The following CTDSPL variants were observed in gnomAD, a reference collection of about 807,000 sequenced individuals.
The protein encoded by CTDSPL is CTD small phosphatase-like protein.
Under a neutral mutation model 30.5 loss-of-function variants are expected in CTDSPL, and 8 were observed. The ratio of observed to expected loss-of-function variants is 0.26; its 90% CI spans 0.15 to 0.47. The LOEUF (loss-of-function observed/expected upper bound fraction) is 0.47. Ranked by LOEUF, CTDSPL falls within the 20% of genes least tolerant of loss-of-function variation. The pLI is 0.99. For synonymous variants in CTDSPL, 110 were observed against 137.9 expected (o/e 0.80, Z 1.42); for missense variants, 248 against 366.1 (o/e 0.68, Z 2.63).
At chr3:37,921,751 G>A (rs1409307077) in intron 1 of CTDSPL, among the ~76,000 whole-genome samples, 1 of 152,204 alleles carries the variant, frequency 6.6e-6, no homozygotes, top group East Asian at 1.9e-4. Flanking sequence ...CAGACCACCT[G>A]TAAGGAAGTG....
At chr3:37,931,397 C>T (rs1698853777) in intron 1 of CTDSPL, among the ~76,000 whole-genome samples, 1 of 152,104 alleles carries the variant, frequency 6.6e-6, no homozygotes, top group South Asian at 2.1e-4. Flanking sequence ...GAGCCTCTTG[C>T]CTCAGCCTCA....
At chr3:37,907,478 T>A (rs545381828) in intron 1 of CTDSPL, among the ~76,000 whole-genome samples, 18 of 152,228 alleles carry the variant, frequency 1.2e-4, no homozygotes, top group Non-Finnish European at 2.5e-4. Flanking sequence ...TCTTGTTCAT[T>A]TGACACTGTT....
At chr3:37,876,014 G>A (rs1698130760) in intron 1 of CTDSPL, among the ~76,000 whole-genome samples, 1 of 152,104 alleles carries the variant, frequency 6.6e-6, no homozygotes, top group Non-Finnish European at 1.5e-5. Flanking sequence ...AGGCTGAGGT[G>A]GGAGGATCAC....
chr3:37,891,714 A>G (rs1326359118), intron 1 of CTDSPL, among the ~76,000 whole-genome samples: 1 of 152,232 alleles, frequency 6.6e-6, no homozygotes, highest in Non-Finnish European at 1.5e-5. Context: ...TAGAAGCAGT[A>G]CATGCTTGTA....
At chr3:37,914,237 T>C (rs546840742) in intron 1 of CTDSPL, among the ~76,000 whole-genome samples, 107 of 152,370 alleles carry the variant, frequency 7.0e-4, no homozygotes, top group African/African-American at 2.5e-3. Flanking sequence ...AAATGTTTAT[T>C]ATATTTTCAA....
chr3:37,926,168 A>G (rs909137911), intron 1 of CTDSPL, among the ~76,000 whole-genome samples: 7 of 152,102 alleles, frequency 4.6e-5, no homozygotes, highest in Non-Finnish European at 1.5e-5. Flanking sequence ...CACAGAGGAG[A>G]TGGCAGGCCA....
At chr3:37,907,486 G>T (rs933302601) in intron 1 of CTDSPL, among the ~76,000 whole-genome samples, 1 of 152,208 alleles carries the variant, frequency 6.6e-6, no homozygotes, top group Non-Finnish European at 1.5e-5. Context: ...ATTTGACACT[G>T]TTGATATTGT....
chr3:37,883,699 TG>T (rs1464297228), intron 1 of CTDSPL, among the ~76,000 whole-genome samples: 2 of 152,270 alleles, frequency 1.3e-5, no homozygotes, highest in Non-Finnish European at 2.9e-5. Context: ...AATACTTTAG[TG>T]AAGCCCTTTG....
intron 1 of CTDSPL, among the ~76,000 whole-genome samples, chr3:37,916,097 C>G (rs1259515741): frequency 6.6e-6 from 1 of 152,126 alleles, no homozygotes; most frequent in Non-Finnish European, 1.5e-5. Context: ...ACAAGCTGTC[C>G]AAAGTGCTGC....
intron 1 of CTDSPL, among the ~76,000 whole-genome samples, chr3:37,900,829 CGCTCTGTT>C (rs1559628429): frequency 6.6e-6 from 1 of 152,084 alleles, no homozygotes; most frequent in East Asian, 1.9e-4. Flanking sequence ...GACGAAGTCT[CGCTCTGTT>C]GCCCAGGCTG....
chr3:37,882,171 G>A (rs1037511464), intron 1 of CTDSPL, among the ~76,000 whole-genome samples: 15 of 152,166 alleles, frequency 9.9e-5, no homozygotes, highest in African/African-American at 2.9e-4. Flanking sequence ...GGCTGGGCAC[G>A]GTGGCTCACG....
rs1219388990 is a variant in CTDSPL, at chr3:37,982,591, C to T, written c.*1724C>T. 2.8e-5 allele frequency: 13 copies of T among 456,548 alleles called. No individual in the cohort carries two copies. Among genetic ancestry groups the T allele is most frequent in the Admixed American group, 2.3e-4 (10 of 42,558 alleles). 28.3% of individuals were successfully genotyped at this position (456,548 alleles called of 1,614,324 possible). A position where few individuals can be genotyped will look rare whatever the true frequency, so the allele number is the denominator to read the frequency against. On this transcript the variant is annotated 3_prime_UTR_variant, in exon 8 of 8. Coordinates refer to ENST00000273179, the MANE Select transcript of CTDSPL (RefSeq NM_001008392.2). Reference sequence around the variant, plus strand: ...TAATGAAGCCAGCTGCCAATTACATCCTCCCAACAGCACTTTGGTCTGTGG... The same window carrying T: ...TAATGAAGCCAGCTGCCAATTACATTCTCCCAACAGCACTTTGGTCTGTGG...
At chr3:37,910,662 G>A (rs952934650) in intron 1 of CTDSPL, among the ~76,000 whole-genome samples, 7 of 152,150 alleles carry the variant, frequency 4.6e-5, no homozygotes, top group Non-Finnish European at 1.0e-4. Flanking sequence ...TTAAAAGTTA[G>A]CTATAAAATA....
In CTDSPL at chr3:37,975,741, C is replaced by T. The variant is rs1575325948; in HGVS notation, c.552C>T (p.Arg184=). 1.2e-6 allele frequency: 2 copies of T among 1,614,060 alleles called. No individual in the cohort carries two copies. Among genetic ancestry groups the T allele is most frequent in the Admixed American group, 1.7e-5 (1 of 60,020 alleles). ...ACCCTGTGGCTGACCTCCTAGACCGCTGGGGTGTGTTCCGGGCCCGGCTCT... is the reference window on the plus strand; with the variant it reads ...ACCCTGTGGCTGACCTCCTAGACCGTTGGGGTGTGTTCCGGGCCCGGCTCT... ...YADPVADLLD[R]WGVFRARLFR... Residue 184 remains arginine, a synonymous_variant, in exon 7 of 8, where the codon CGC becomes CGT. Coordinates refer to ENST00000273179, the MANE Select transcript of CTDSPL (RefSeq NM_001008392.2). The surrounding 1 kb of genome is among the most constrained non-coding windows in gnomAD (Gnocchi z 4.9).
intron 1 of CTDSPL, among the ~76,000 whole-genome samples, chr3:37,933,946 G>A (rs1698885366): frequency 1.3e-5 from 2 of 152,140 alleles, no homozygotes; most frequent in South Asian, 4.1e-4. Flanking sequence ...TTGCTGTGAT[G>A]TATATTTTTA....
At position 37,937,266 on chromosome 3, in the gene CTDSPL, T is replaced by C. The variant is rs185379124; in HGVS notation, c.80-9791T>C. 2.4e-4 allele frequency among the ~76,000 whole-genome samples: 36 copies of C among 150,330 alleles called. 1 individual carries two copies. The highest frequency in any genetic ancestry group is 1.7e-3 in the South Asian group (8 of 4,670). Reference sequence around the variant, plus strand: ...TGGTTTGTCCCCACCAAAGCTCATATTGGGGTGCCGTTGCCATTGTAGTGG... The same window carrying C: ...TGGTTTGTCCCCACCAAAGCTCATACTGGGGTGCCGTTGCCATTGTAGTGG... On this transcript the variant is annotated intron_variant, in intron 1 of 7. Transcript: ENST00000273179.
At chr3:37,864,595 A>G (rs1025774034) in intron 1 of CTDSPL, among the ~76,000 whole-genome samples, 2 of 152,144 alleles carry the variant, frequency 1.3e-5, no homozygotes, top group Non-Finnish European at 2.9e-5. Context: ...TTGGTTACCT[A>G]TAATGTCGCA....
intron 1 of CTDSPL, among the ~76,000 whole-genome samples, chr3:37,930,310 G>C (rs573482203): frequency 1.3e-5 from 2 of 151,794 alleles, no homozygotes; most frequent in South Asian, 4.2e-4. Context: ...ACCCAGGCTG[G>C]AGTGCAGCAG....
At chr3:37,973,961 C>G (rs974895936) in intron 6 of CTDSPL, among the ~76,000 whole-genome samples, 1 of 152,222 alleles carries the variant, frequency 6.6e-6, no homozygotes, top group Non-Finnish European at 1.5e-5. Context: ...GCTTGTCCAG[C>G]CTGTGACCCA....
Sources: gnomAD v4.1 joint callset for allele counts (sites outside exome capture counted in the v4.1 genomes callset) on GRCh38, gnomAD v4.1.1 for gene constraint, Gnocchi (gnomAD v3.1) non-coding constraint, MANE v1.5 for transcripts, NCBI Gene and HGNC (gene_info 2026-07-23, HGNC 2026-07-21) for gene names.